ALK: variants seen among roughly 807,000 people sequenced by gnomAD.
ALK encodes ALK tyrosine kinase receptor.
A neutral mutation model predicts 163.1 loss-of-function variants in ALK; 74 were observed. The ratio of observed to expected loss-of-function variants is 0.45; its 90% CI spans 0.38 to 0.55. The LOEUF (loss-of-function observed/expected upper bound fraction) is 0.55. Ranked by LOEUF, ALK falls within the 20% of genes least tolerant of loss-of-function variation. ALK has a pLI of 0.00. For missense variants in ALK, 2,063 were observed against 2,105.3 expected (o/e 0.98, Z 0.39); for synonymous variants, 960 against 843.2 (o/e 1.14, Z -2.40).
chr2:29,566,039 A>G (rs1015668734), intron 3 of ALK, among the ~76,000 whole-genome samples: 1 of 152,114 alleles, frequency 6.6e-6, no homozygotes. Flanking sequence ...GATGCTCCGT[A>G]TGAGAGGTTA....
chr2:29,776,051 T>C (rs1284554905), intron 1 of ALK, among the ~76,000 whole-genome samples: 6 of 152,162 alleles, frequency 3.9e-5, no homozygotes, highest in Admixed American at 2.6e-4. Flanking sequence ...TTATTGATGG[T>C]ACTACAAGCC....
intron 26 of ALK, among the ~76,000 whole-genome samples, chr2:29,202,074 C>T (rs1284785979): frequency 1.3e-5 from 2 of 152,176 alleles, no homozygotes; most frequent in African/African-American, 2.4e-5. Flanking sequence ...TCTGACCCAT[C>T]CCTTCCACCC....
chr2:29,222,650 C>T (rs1430840013), intron 20 of ALK, 43 bp from the exon 21 acceptor site: 2 of 1,580,114 alleles, frequency 1.3e-6, no homozygotes, highest in Admixed American at 1.7e-5. Flanking sequence ...TCAAACAGGC[C>T]ACAATAATGA....
chr2:29,732,693 A>G (rs1213504539), intron 1 of ALK, among the ~76,000 whole-genome samples: 5 of 152,146 alleles, frequency 3.3e-5, no homozygotes, highest in Admixed American at 2.0e-4. Context: ...GCTCTCATAA[A>G]TGGGATTAGT....
At chr2:29,452,505 T>C (rs62131804) in intron 4 of ALK, among the ~76,000 whole-genome samples, 43,502 of 152,034 alleles carry the variant, frequency 0.29, 7,239 homozygotes, top group Non-Finnish European at 0.38. Flanking sequence ...TACTTCTTCA[T>C]TGTCTAACTC....
chr2:29,454,805 A>G (rs949268572), intron 4 of ALK, among the ~76,000 whole-genome samples: 4 of 152,162 alleles, frequency 2.6e-5, no homozygotes, highest in Non-Finnish European at 5.9e-5. Flanking sequence ...GTGCCTATAT[A>G]CTGGGCACAT....
chr2:29,681,693 C>A (rs1480586762), intron 3 of ALK, among the ~76,000 whole-genome samples: 2 of 152,088 alleles, frequency 1.3e-5, no homozygotes, highest in Admixed American at 1.3e-4. Flanking sequence ...TTCCCTATCC[C>A]AGCCCCATCC....
chr2:29,383,696 G>A (rs764173696), intron 5 of ALK, 36 bp downstream of exon 5: 2 of 1,613,520 alleles, frequency 1.2e-6, no homozygotes, highest in Admixed American at 3.3e-5. Context: ...AACACAATAG[G>A]CTACCAAGGA....
chr2:29,351,028 A>G (rs1668097347), intron 5 of ALK, among the ~76,000 whole-genome samples: 1 of 152,200 alleles, frequency 6.6e-6, no homozygotes, highest in African/African-American at 2.4e-5. Context: ...ACATTAGCAA[A>G]TTAAAGGCTC....
intron 9 of ALK, among the ~76,000 whole-genome samples, chr2:29,295,784 T>C (rs1666159206): frequency 6.6e-6 from 1 of 152,150 alleles, no homozygotes; most frequent in Admixed American, 6.5e-5. Context: ...TCCACCAGGA[T>C]GGTAATTTGA....
chr2:29,231,499 C>T (rs1306333497), intron 15 of ALK, among the ~76,000 whole-genome samples: 3 of 152,138 alleles, frequency 2.0e-5, no homozygotes, highest in Admixed American at 6.5e-5. Flanking sequence ...ACATGTGCAA[C>T]AGAGGCAGAG....
chr2:29,239,930 G>T (rs1038998004), intron 12 of ALK, 100 bp from the exon 13 acceptor site: 3 of 1,390,466 alleles, frequency 2.2e-6, no homozygotes, highest in Admixed American at 2.0e-5. Context: ...CATCGCCATC[G>T]TGGTCTGAGG....
intron 3 of ALK, among the ~76,000 whole-genome samples, chr2:29,626,223 A>C (rs1558414744): frequency 6.6e-6 from 1 of 152,158 alleles, no homozygotes. Context: ...AGGGACTTTG[A>C]TATGACTTGG....
chr2:29,622,522 A>C (rs1439380010), intron 3 of ALK, among the ~76,000 whole-genome samples: 5 of 152,216 alleles, frequency 3.3e-5, no homozygotes, highest in African/African-American at 1.2e-4. Flanking sequence ...TCCCTCCCAC[A>C]ACATATGGGA....
At chr2:29,820,068 T>C (rs1261870409) in intron 1 of ALK, among the ~76,000 whole-genome samples, 1 of 152,232 alleles carries the variant, frequency 6.6e-6, no homozygotes, top group Non-Finnish European at 1.5e-5. Flanking sequence ...AGATGGAGCA[T>C]AATTCCTTCC....
In ALK at chr2:29,773,819, G is replaced by A. The variant is rs555474214; in HGVS notation, c.668-56122C>T. Among the ~76,000 whole-genome samples, 99 of 152,286 alleles carry A rather than the reference G, an allele frequency of 6.5e-4. 1 individual carries two copies. The highest frequency in any genetic ancestry group is 2.9e-3 in the Admixed American group (45 of 15,296). On this transcript the variant is annotated intron_variant, in intron 1 of 28. Transcript: ENST00000389048. ...AAGAGGAAGAGATTAATTTAGAATC[G>A]TGAAGGGAACAAGGAGAAGGAAGAG...
At chr2:29,678,336 T>C (rs879434902) in intron 3 of ALK, among the ~76,000 whole-genome samples, 1 of 151,910 alleles carries the variant, frequency 6.6e-6, no homozygotes. Flanking sequence ...CTGCATGCTT[T>C]TACATCGCAT....
chr2:29,219,463 C>G (rs1669725815), intron 23 of ALK, among the ~76,000 whole-genome samples: 1 of 152,218 alleles, frequency 6.6e-6, no homozygotes, highest in South Asian at 2.1e-4. Context: ...TTTCTGGAAC[C>G]ACTGGCTGTC....
chr2:29,735,546 A>G (rs1039545099), intron 1 of ALK, among the ~76,000 whole-genome samples: 2 of 152,174 alleles, frequency 1.3e-5, no homozygotes, highest in Non-Finnish European at 1.5e-5. Context: ...TACTTGAATT[A>G]TCTCACCTAT....
Sources: gnomAD v4.1 joint callset for allele counts (sites outside exome capture counted in the v4.1 genomes callset) on GRCh38, gnomAD v4.1.1 for gene constraint, MANE v1.5 for transcripts, NCBI Gene and HGNC (gene_info 2026-07-23, HGNC 2026-07-21) for gene names.